The following XIRP2 variants were observed in gnomAD, a reference collection of about 807,000 sequenced individuals.
The protein encoded by XIRP2 is xin actin-binding repeat-containing protein 2.
Under a neutral mutation model 277.0 loss-of-function variants are expected in XIRP2, and 236 were observed. The ratio of observed to expected loss-of-function variants is 0.85; its 90% CI spans 0.77 to 0.95. XIRP2 has a LOEUF of 0.95. Ranked by LOEUF, XIRP2 falls within the 40% of genes least tolerant of loss-of-function variation. The pLI is 0.00. For missense variants in XIRP2, 4,640 were observed against 4,157.5 expected (o/e 1.12, Z -3.19); for synonymous variants, 1,490 against 1,416.5 (o/e 1.05, Z -1.17).
chr2:167,168,862 C>T (rs542302243), intron 3 of XIRP2, among the ~76,000 whole-genome samples: 55 of 152,190 alleles, frequency 3.6e-4, no homozygotes, highest in Non-Finnish European at 5.9e-4. Context: ...GATCCGCCTG[C>T]CTCAGCCTCC....
intron 2 of XIRP2, among the ~76,000 whole-genome samples, chr2:167,001,139 T>A (rs150702376): frequency 6.6e-6 from 1 of 152,230 alleles, no homozygotes; most frequent in African/African-American, 2.4e-5. Context: ...AATATATTAG[T>A]GGGGTGGATG....
At chr2:167,078,824 T>A (rs1689651065) in intron 2 of XIRP2, among the ~76,000 whole-genome samples, 1 of 114,882 alleles carries the variant, frequency 8.7e-6, no homozygotes, top group Non-Finnish European at 1.8e-5. Context: ...AGCGACACAG[T>A]GAGACTCCGT....
At chr2:167,006,561 G>A (rs1687509453) in intron 2 of XIRP2, among the ~76,000 whole-genome samples, 1 of 151,670 alleles carries the variant, frequency 6.6e-6, no homozygotes, top group African/African-American at 2.4e-5. Context: ...TATTACCATG[G>A]GGGTGTTCAG....
chr2:166,995,455 A>G (rs575095698), intron 2 of XIRP2, among the ~76,000 whole-genome samples: 11 of 152,210 alleles, frequency 7.2e-5, no homozygotes. Flanking sequence ...ATGATCAGTT[A>G]TGAGGCAATT....
At chr2:167,069,709 T>A (rs1689392065) in intron 2 of XIRP2, among the ~76,000 whole-genome samples, 1 of 152,138 alleles carries the variant, frequency 6.6e-6, no homozygotes, top group African/African-American at 2.4e-5. Flanking sequence ...ATTCTGTTTC[T>A]TGCCCATGCG....
intron 2 of XIRP2, among the ~76,000 whole-genome samples, chr2:167,037,172 C>T (rs1050682807): frequency 3.9e-5 from 6 of 152,172 alleles, no homozygotes; most frequent in African/African-American, 1.4e-4. Context: ...AACAAAGAAA[C>T]ATCAGACTTA....
intron 2 of XIRP2, among the ~76,000 whole-genome samples, chr2:166,910,549 C>A (rs1268930121): frequency 1.3e-5 from 2 of 151,956 alleles, no homozygotes; most frequent in Admixed American, 1.3e-4. Context: ...TTTGTCGATC[C>A]TTTCAAAAAA....
chr2:167,181,414 G>A (rs1445153588), intron 3 of XIRP2, among the ~76,000 whole-genome samples: 4 of 152,192 alleles, frequency 2.6e-5, no homozygotes, highest in Admixed American at 6.5e-5. Flanking sequence ...AATTCTGTAC[G>A]AATTTCAGCA....
chr2:167,120,893 C>T (rs2105304213), intron 2 of XIRP2, among the ~76,000 whole-genome samples: 2 of 152,192 alleles, frequency 1.3e-5, no homozygotes, highest in South Asian at 2.1e-4. Flanking sequence ...TGTAGAAAAC[C>T]ATTCCTGTCT....
chr2:166,959,279 C>A (rs1223361550), intron 2 of XIRP2, among the ~76,000 whole-genome samples: 1 of 151,734 alleles, frequency 6.6e-6, no homozygotes, highest in African/African-American at 2.4e-5. Flanking sequence ...AAAAGCTGCC[C>A]CTGGAGAAAG....
At chr2:167,005,165 C>T (rs531338065) in intron 2 of XIRP2, among the ~76,000 whole-genome samples, 2 of 151,984 alleles carry the variant, frequency 1.3e-5, no homozygotes, top group African/African-American at 4.8e-5. Flanking sequence ...ATAGTTTTTC[C>T]AATTTTTCTG....
At chr2:167,013,432 GA>G in intron 2 of XIRP2, among the ~76,000 whole-genome samples, 1 of 151,386 alleles carries the variant, frequency 6.6e-6, no homozygotes, top group African/African-American at 2.4e-5. Flanking sequence ...ATCAGCTGCA[GA>G]TTCTGACTCA....
intron 3 of XIRP2, among the ~76,000 whole-genome samples, chr2:167,183,729 C>T (rs187255848): frequency 1.3e-5 from 2 of 152,130 alleles, no homozygotes; most frequent in Admixed American, 1.3e-4. Flanking sequence ...GTATCTACAA[C>T]ACCTGCTTCC....
intron 2 of XIRP2, among the ~76,000 whole-genome samples, chr2:166,998,878 G>A (rs1687293553): frequency 6.6e-6 from 1 of 152,128 alleles, no homozygotes; most frequent in Non-Finnish European, 1.5e-5. Flanking sequence ...CCTGATTGGT[G>A]AATTGCTGAA....
intron 2 of XIRP2, among the ~76,000 whole-genome samples, chr2:166,935,536 T>C (rs1239296959): frequency 1.3e-5 from 2 of 152,182 alleles, no homozygotes; most frequent in Admixed American, 1.3e-4. Context: ...TTACAGTAGG[T>C]ATATCTCCTA....
At chr2:167,217,528 G>A (rs551112370) in intron 4 of XIRP2, among the ~76,000 whole-genome samples, 46 of 152,100 alleles carry the variant, frequency 3.0e-4, no homozygotes, top group African/African-American at 9.9e-4. Context: ...CTGTGAGAAC[G>A]TAATAACTGT....
At chr2:167,147,680 C>G (rs1691898907) in intron 3 of XIRP2, among the ~76,000 whole-genome samples, 1 of 152,108 alleles carries the variant, frequency 6.6e-6, no homozygotes, top group Non-Finnish European at 1.5e-5. Flanking sequence ...TGGGAGAGAA[C>G]AATTAGAAGT....
chr2:167,247,053 G>T lies in XIRP2; in HGVS notation c.5661G>T (p.Gln1887His), dbSNP rs1695294272. 1 of 1,613,010 alleles carries T rather than the reference G, an allele frequency of 6.2e-7. No individual in the cohort carries two copies. The highest frequency in any genetic ancestry group is 1.7e-5 in the Admixed American group (1 of 59,834). ...GCCATCGATGGAAAGAATCTAAACA[G>T]CCTGATGCCATCCCTGGTGATATTG... ...ESSHRWKESK[Q>H]PDAIPGDIEK... is the part of the protein sequence containing the mutation. Residue 1887 changes from glutamine to histidine, a missense_variant, in exon 9 of 11, where the codon CAG (glutamine) becomes CAT (histidine). Transcript: ENST00000409195.
In XIRP2 at chr2:167,258,984, TC is replaced by T; in HGVS notation, c.*1168del. The T allele has an allele frequency of 6.2e-7, 1 of 1,611,726 alleles. No individual in the cohort carries two copies. The highest frequency in any genetic ancestry group is 8.5e-7 in the Non-Finnish European group (1 of 1,178,828). Reference sequence around the variant, plus strand: ...CTTATGGTAAAGGGGGGAAGTTCAATCATCTCTCCTGATACAAATCTCTTAA... The same window carrying T: ...CTTATGGTAAAGGGGGGAAGTTCAATATCTCTCCTGATACAAATCTCTTAA... On this transcript the variant is annotated 3_prime_UTR_variant, in exon 11 of 11. Transcript: ENST00000409195.
Sources: allele counts gnomAD v4.1 joint callset (sites outside exome capture counted in the v4.1 genomes callset), GRCh38; gene constraint gnomAD v4.1.1; transcripts MANE v1.5; gene names NCBI Gene and HGNC (gene_info 2026-07-23, HGNC 2026-07-21).